The following ANKS6 variants were observed in gnomAD, a reference collection of about 807,000 sequenced individuals.
The protein encoded by ANKS6 is ankyrin repeat and sterile alpha motif domain containing 6.
Under a neutral mutation model 77.9 loss-of-function variants are expected in ANKS6, and 47 were observed. That is an observed-to-expected ratio of 0.60 (90% CI 0.48 to 0.77). ANKS6 has a LOEUF of 0.77. ANKS6 is among the 30% of genes least tolerant of loss of function. The pLI is 0.00. For synonymous variants in ANKS6, 488 were observed against 501.7 expected, an observed-to-expected ratio of 0.97 and a Z score of 0.37; for missense variants, 1,150 against 1,159.1, an observed-to-expected ratio of 0.99 and a Z score of 0.11.
In ANKS6 at chr9:98,732,987, G is replaced by C; in HGVS notation, c.*3532C>G. ...GGCCCCACTCCATCTCTCTCCTCTGGGGCGTGCCCAGGCTGAGCCTGAGCC... is the reference window on the plus strand; with the variant it reads ...GGCCCCACTCCATCTCTCTCCTCTGCGGCGTGCCCAGGCTGAGCCTGAGCC... On this transcript the variant is annotated 3_prime_UTR_variant, in exon 15 of 15. Transcript: ENST00000353234. 1 of 1,002,556 alleles carries C rather than the reference G, an allele frequency of 1.0e-6. No homozygotes were observed. 62.1% of individuals were successfully genotyped at this position (1,002,556 alleles called of 1,614,324 possible).
intron 1 of ANKS6, among the ~76,000 whole-genome samples, chr9:98,794,618 C>A (rs1343838346): frequency 6.6e-6 from 1 of 152,162 alleles, no homozygotes. Context: ...TCAAGACTAT[C>A]CTGCAGAACT....
At chr9:98,768,688 C>T (rs1833447527) in intron 10 of ANKS6, among the ~76,000 whole-genome samples, 2 of 152,182 alleles carry the variant, frequency 1.3e-5, no homozygotes, top group South Asian at 2.1e-4. Context: ...CACCCTTTGA[C>T]TCTCCCTTTA....
intron 14 of ANKS6, among the ~76,000 whole-genome samples, chr9:98,738,032 A>G (rs921815980): frequency 1.3e-5 from 2 of 152,232 alleles, no homozygotes; most frequent in Non-Finnish European, 2.9e-5. Context: ...GGCTAGCCAC[A>G]TGTAGGAGAA....
At chr9:98,769,652 A>G (rs1194606012) in intron 10 of ANKS6, among the ~76,000 whole-genome samples, 1 of 152,230 alleles carries the variant, frequency 6.6e-6, no homozygotes, top group African/African-American at 2.4e-5. Flanking sequence ...ACGTGGTTCC[A>G]AGAACAGGCT....
At chr9:98,786,418 A>G (rs986097579) in intron 2 of ANKS6, among the ~76,000 whole-genome samples, 5 of 151,508 alleles carry the variant, frequency 3.3e-5, no homozygotes, top group African/African-American at 1.2e-4. Flanking sequence ...CTGCTTCCAG[A>G]ACAGCTGGGA....
At position 98,791,153 on chromosome 9, in the gene ANKS6, G is replaced by T. The variant is rs994257761; in HGVS notation, c.360-547C>A. Among the ~76,000 whole-genome samples, 3 of 152,142 alleles carry T rather than the reference G, an allele frequency of 2.0e-5. No individual in the cohort carries two copies. The highest frequency in any genetic ancestry group is 2.9e-5 in the Non-Finnish European group (2 of 68,030). ...GCTGCCTCCTACATTTCAGACAGTC[G>T]ATTTTATTCTGCTTTATAGCCTGGG... On this transcript the variant is annotated intron_variant, in intron 1 of 14. Transcript: ENST00000353234. The surrounding 1 kb of genome is among the most constrained non-coding windows in gnomAD (Gnocchi z 4.3).
At chr9:98,765,258 T>C (rs898581221) in intron 11 of ANKS6, among the ~76,000 whole-genome samples, 3 of 152,206 alleles carry the variant, frequency 2.0e-5, no homozygotes, top group Admixed American at 1.3e-4. Context: ...ATGGGCAACA[T>C]ACTGGGGAAG....
intron 7 of ANKS6, 142 bp from the exon 8 acceptor site, chr9:98,777,596 T>A: frequency 1.4e-6 from 1 of 736,360 alleles, no homozygotes; most frequent in Non-Finnish European, 2.3e-6. Flanking sequence ...TTCGATATTT[T>A]AATAGAAGGA....
intron 12 of ANKS6, among the ~76,000 whole-genome samples, chr9:98,752,180 C>T (rs1007350342): frequency 6.6e-6 from 1 of 152,188 alleles, no homozygotes; most frequent in Non-Finnish European, 1.5e-5. Context: ...GACAGCATTT[C>T]CAGTTTTACA....
rs1429801512 is a variant in ANKS6, at chr9:98,756,600, A to G, written c.2146T>C (p.Leu716=). ...GATGGAGGCCTTTTGCTGGTCTCCA[A>G]TTTCTGCTGAACAGAGTAAGACAAA... ...AGGSAPVGKK[L]ETSKRPPSGT... The change falls in exon 12 of 15, where the codon TTG becomes CTG. Residue 716 remains leucine (L), a synonymous_variant. Coordinates refer to ENST00000353234, the MANE Select transcript of ANKS6 (RefSeq NM_173551.5). 4 of 1,534,212 alleles carry G rather than the reference A, an allele frequency of 2.6e-6. No individual in the cohort carries two copies. The highest frequency in any genetic ancestry group is 3.5e-6 in the Non-Finnish European group (4 of 1,144,292).
chr9:98,755,243 T>C (rs1310672665), intron 12 of ANKS6, among the ~76,000 whole-genome samples: 1 of 152,192 alleles, frequency 6.6e-6, no homozygotes, highest in African/African-American at 2.4e-5. Context: ...CCTCAGCAGC[T>C]GCAGCGAACT....
At chr9:98,742,153 G>A (rs544145917) in intron 14 of ANKS6, among the ~76,000 whole-genome samples, 1 of 152,328 alleles carries the variant, frequency 6.6e-6, no homozygotes. Flanking sequence ...AATGTGTACA[G>A]AGCACTAGAG....
At chr9:98,771,695 G>A (rs755063681) in intron 9 of ANKS6, among the ~76,000 whole-genome samples, 31 of 152,010 alleles carry the variant, frequency 2.0e-4, no homozygotes, top group Non-Finnish European at 3.8e-4. Flanking sequence ...TGGACCCGGC[G>A]GCTCCCCCCC....
intron 11 of ANKS6, 149 bp downstream of exon 11, chr9:98,767,932 T>C (rs1437117387): frequency 6.9e-6 from 8 of 1,161,896 alleles, no homozygotes; most frequent in Non-Finnish European, 9.4e-6. Flanking sequence ...ATTTCAGCCC[T>C]TCTCATGCAG....
intron 2 of ANKS6, among the ~76,000 whole-genome samples, chr9:98,787,314 T>C (rs1224259745): frequency 1.3e-5 from 2 of 151,524 alleles, no homozygotes; most frequent in African/African-American, 2.4e-5. Context: ...AACCACTCCA[T>C]TTGACACAGC....
chr9:98,789,148 T>C lies in ANKS6; in HGVS notation c.862+956A>G, dbSNP rs115585037. Among the ~76,000 whole-genome samples the C allele has an allele frequency of 3.8e-3, 572 of 152,136 alleles. 4 individuals carry two copies. Among genetic ancestry groups the C allele is most frequent in the African/African-American group, 0.013 (536 of 41,508 alleles). On this transcript the variant is annotated intron_variant, in intron 2 of 14. Coordinates refer to ENST00000353234, the MANE Select transcript of ANKS6 (RefSeq NM_173551.5). ...TTCAATGGTAACAAACTTAACACTT[T>C]CAGGTCTTTTTAGCCAATGTGCCTG...
chr9:98,738,773 A>G (rs1831644524), intron 14 of ANKS6, among the ~76,000 whole-genome samples: 1 of 152,182 alleles, frequency 6.6e-6, no homozygotes, highest in Non-Finnish European at 1.5e-5. Context: ...AGAAGCCATT[A>G]TATGAAAAAG....
chr9:98,743,412 A>G (rs554901535), intron 14 of ANKS6, among the ~76,000 whole-genome samples: 2 of 151,872 alleles, frequency 1.3e-5, no homozygotes, highest in Admixed American at 6.6e-5. Flanking sequence ...CACTCCAACC[A>G]TTCCTTTAGT....
At chr9:98,790,834 G>A (rs1484655499) in intron 1 of ANKS6, among the ~76,000 whole-genome samples, 1 of 152,182 alleles carries the variant, frequency 6.6e-6, no homozygotes, top group East Asian at 1.9e-4. Context: ...CCAGCTGCAT[G>A]ACCTTTAGGA....
Sources: gnomAD v4.1 joint callset for allele counts (sites outside exome capture counted in the v4.1 genomes callset) on GRCh38, gnomAD v4.1.1 for gene constraint, Gnocchi (gnomAD v3.1) non-coding constraint, MANE v1.5 for transcripts, NCBI Gene and HGNC (gene_info 2026-07-23, HGNC 2026-07-21) for gene names.